The following DYRK1A variants were observed in gnomAD, a reference collection of about 807,000 sequenced individuals.
The protein encoded by DYRK1A is dual specificity tyrosine-phosphorylation-regulated kinase 1A.
In DYRK1A, 9 loss-of-function variants were observed where a neutral mutation model predicts 79.7. The ratio of observed to expected loss-of-function variants is 0.11; its 90% CI spans 0.07 to 0.20. The LOEUF (loss-of-function observed/expected upper bound fraction) is 0.20. Ranked by LOEUF, DYRK1A falls within the 10% of genes least tolerant of loss-of-function variation. DYRK1A has a pLI of 1.00. For missense variants in DYRK1A, 622 were observed against 956.0 expected (o/e 0.65, Z 4.61); for synonymous variants, 349 against 329.7 (o/e 1.06, Z -0.63).
chr21:37,393,656 T>C (rs753329882), intron 1 of DYRK1A, among the ~76,000 whole-genome samples: 1 of 152,252 alleles, frequency 6.6e-6, no homozygotes, highest in Non-Finnish European at 1.5e-5. Context: ...TATAACATGT[T>C]GAGGTTATCT....
At chr21:37,468,342 C>G (rs143410783) in intron 2 of DYRK1A, among the ~76,000 whole-genome samples, 2 of 151,884 alleles carry the variant, frequency 1.3e-5, no homozygotes, top group African/African-American at 4.8e-5. Flanking sequence ...CTCTCGGGCT[C>G]AAGTGATTCC....
intron 1 of DYRK1A, among the ~76,000 whole-genome samples, chr21:37,383,837 A>ATG (rs112549944): frequency 0.014 from 2,020 of 148,408 alleles, 22 homozygotes; most frequent in African/African-American, 0.027. Context: ...GTAATGGTGT[A>ATG]TGTGTGTGTG....
At position 37,521,685 on chromosome 21, in the gene DYRK1A, T is replaced by G. The variant is rs1478940514; in HGVS notation, c.*9154T>G. The stretch of plus-strand genomic sequence containing the variant: ...AGCTGATACCTAATGGAGGAATGGG[T>G]GTTATCCTGGTGGGAATGCCCTAGA... On this transcript the variant is annotated 3_prime_UTR_variant, in exon 12 of 12. Coordinates refer to ENST00000647188, the MANE Select transcript of DYRK1A (RefSeq NM_001347721.2). 6.6e-6 allele frequency: 1 copy of G among 152,200 alleles called. No individual in the cohort carries two copies. The allele number at this position is 152,200 out of a possible 1,614,324, so 9.4% of individuals were successfully genotyped here.
Position 37,472,870 on chromosome 21 carries a change from T to A in DYRK1A, c.197T>A (p.Leu66Gln), listed in dbSNP as rs903016731. Residue 66 changes from leucine (L) to glutamine (Q), a missense_variant, in exon 3 of 12, where the codon CTA becomes CAA. Coordinates refer to ENST00000647188, the MANE Select transcript of DYRK1A (RefSeq NM_001347721.2). The part of the protein sequence containing the change: ...LSYSDQIQQP[L>Q]TNQRRMPQTF... ...TATTCTGACCAGATTCAGCAACCTCTAACTAACCAGGTAAGTTCATGGAGT... is the reference window on the plus strand; with the variant it reads ...TATTCTGACCAGATTCAGCAACCTCAAACTAACCAGGTAAGTTCATGGAGT... 6.4e-7 allele frequency: 1 copy of A among 1,574,110 alleles called. No homozygotes were observed. The highest frequency in any genetic ancestry group is 1.2e-5 in the South Asian group (1 of 86,134).
chr21:37,474,648 G>A (rs908942745), intron 3 of DYRK1A, among the ~76,000 whole-genome samples: 31 of 152,292 alleles, frequency 2.0e-4, no homozygotes, highest in African/African-American at 6.0e-4. Flanking sequence ...TGGCACCTCC[G>A]ACTAGAACCC....
chr21:37,397,729 C>G (rs550112055), intron 1 of DYRK1A, among the ~76,000 whole-genome samples: 82 of 152,224 alleles, frequency 5.4e-4, no homozygotes, highest in Non-Finnish European at 9.9e-4. Flanking sequence ...TCTGGAGATT[C>G]TGATGGTTGT....
chr21:37,471,164 A>G (rs1002582994), intron 2 of DYRK1A, among the ~76,000 whole-genome samples: 3 of 152,198 alleles, frequency 2.0e-5, no homozygotes, highest in Non-Finnish European at 4.4e-5. Flanking sequence ...AAAGACAGCT[A>G]TTAGGAATCT....
chr21:37,426,824 G>A (rs1436884409), intron 2 of DYRK1A, among the ~76,000 whole-genome samples: 4 of 149,550 alleles, frequency 2.7e-5, no homozygotes, highest in Non-Finnish European at 4.4e-5. Flanking sequence ...GGAGGCTTAG[G>A]CAGGAGAATG....
chr21:37,508,514 C>T (rs538673016), intron 11 of DYRK1A, among the ~76,000 whole-genome samples: 93 of 152,258 alleles, frequency 6.1e-4, no homozygotes, highest in African/African-American at 2.2e-3. Context: ...CATGAACTCC[C>T]GACCTCAGGT....
chr21:37,496,690 A>G (rs1489608069), intron 9 of DYRK1A, among the ~76,000 whole-genome samples: 1 of 151,488 alleles, frequency 6.6e-6, no homozygotes, highest in Non-Finnish European at 1.5e-5. Flanking sequence ...TCAGAAGATG[A>G]TTTTTGGCTT....
At chr21:37,488,171 TTAA>T (rs1379662446) in intron 6 of DYRK1A, 2 of 184,734 alleles carry the variant, frequency 1.1e-5, no homozygotes, top group Non-Finnish European at 2.0e-5. Flanking sequence ...AAAGTTGACA[TTAA>T]TGATCATATT....
At chr21:37,501,054 C>G (rs887688447) in intron 9 of DYRK1A, among the ~76,000 whole-genome samples, 1 of 149,460 alleles carries the variant, frequency 6.7e-6, no homozygotes, top group Non-Finnish European at 1.5e-5. Flanking sequence ...GAAACTAGAT[C>G]ATTAATTTTT....
chr21:37,400,344 CATTT>C (rs573188443), intron 1 of DYRK1A, among the ~76,000 whole-genome samples: 105 of 152,234 alleles, frequency 6.9e-4, no homozygotes, highest in Admixed American at 3.1e-3. Context: ...AATCATAAAA[CATTT>C]ATAGGTTTCA....
chr21:37,374,960 A>G (rs1464854798), intron 1 of DYRK1A: 2 of 152,220 alleles, frequency 1.3e-5, no homozygotes, highest in Non-Finnish European at 2.9e-5. Context: ...GTGGGTGCAG[A>G]GAAGCTGAGT....
intron 7 of DYRK1A, 128 bp downstream of exon 7, chr21:37,490,589 CA>C (rs899489217): frequency 7.0e-4 from 106 of 151,962 alleles, no homozygotes; most frequent in African/African-American, 2.3e-3. Context: ...TTTGCAGTGG[CA>C]AAAACCGCAA....
chr21:37,373,972 A>T (rs2049485036), intron 1 of DYRK1A, among the ~76,000 whole-genome samples: 1 of 152,230 alleles, frequency 6.6e-6, no homozygotes, highest in Non-Finnish European at 1.5e-5. Flanking sequence ...TTAATTTTTT[A>T]AACTATGGTA....
At chr21:37,426,706 C>G (rs1310261293) in intron 2 of DYRK1A, among the ~76,000 whole-genome samples, 3 of 149,156 alleles carry the variant, frequency 2.0e-5, no homozygotes, top group African/African-American at 7.4e-5. Flanking sequence ...GTCAGGAGAT[C>G]GAGACCATCC....
At chr21:37,511,675 A>G (rs1042021564) in intron 11 of DYRK1A, among the ~76,000 whole-genome samples, 3 of 152,228 alleles carry the variant, frequency 2.0e-5, no homozygotes, top group Non-Finnish European at 2.9e-5. Flanking sequence ...AGTGAAATAG[A>G]TGAACCTATT....
rs560810902 is a variant in DYRK1A, at chr21:37,497,989, A to G, written c.1212+1731A>G. Reference sequence around the variant, plus strand: ...AATTTTGTAACAAAAAGTCAAATTCATAATCAAATAATTACATTACAAATG... The same window carrying G: ...AATTTTGTAACAAAAAGTCAAATTCGTAATCAAATAATTACATTACAAATG... On this transcript the variant is annotated intron_variant, in intron 9 of 11. Coordinates refer to ENST00000647188, the MANE Select transcript of DYRK1A (RefSeq NM_001347721.2). Among the ~76,000 whole-genome samples the G allele has an allele frequency of 1.2e-3, 187 of 152,316 alleles. 2 individuals carry two copies. Among genetic ancestry groups the G allele is most frequent in the Non-Finnish European group, 1.3e-3 (91 of 67,996 alleles).
Sources: allele counts gnomAD v4.1 joint callset (sites outside exome capture counted in the v4.1 genomes callset), GRCh38; gene constraint gnomAD v4.1.1; transcripts MANE v1.5; gene names NCBI Gene and HGNC (gene_info 2026-07-23, HGNC 2026-07-21).